Variants in FARS2 observed in about 807,000 individuals in gnomAD.
The protein encoded by FARS2 is phenylalanine--tRNA ligase, mitochondrial.
In FARS2, 40 loss-of-function variants were observed where a neutral mutation model predicts 46.4. The observed-to-expected ratio is 0.86, with a 90% CI of 0.67 to 1.12. The LOEUF is 1.12. Among genes scored for constraint, FARS2 ranks in the 50% most tolerant of loss-of-function variants. FARS2 has a pLI of 0.00. For synonymous variants in FARS2, 234 were observed against 214.9 expected, an observed-to-expected ratio of 1.09 and a Z score of -0.78; for missense variants, 513 against 567.9, an observed-to-expected ratio of 0.90 and a Z score of 0.98.
chr6:5,474,663 G>GTTTTTTTTTTT (rs760857089), intron 4 of FARS2, among the ~76,000 whole-genome samples: 1 of 133,946 alleles, frequency 7.5e-6, no homozygotes. Flanking sequence ...ATACAGTACT[G>GTTTTTTTTTTT]TTTTTTTTTT....
At position 5,499,268 on chromosome 6, in the gene FARS2, G is replaced by A. The variant is rs72817752; in HGVS notation, c.905-45912G>A. Among the ~76,000 whole-genome samples, 1,232 of 152,230 alleles carry A rather than the reference G, an allele frequency of 8.1e-3. 4 individuals are homozygous for A. The highest frequency in any genetic ancestry group is 0.012 in the Non-Finnish European group (845 of 68,008). ...CTGGGAGAGTGGACATTTTTTTCTG[G>A]ATGAAGTCTTTTGGGAGTAGAAAGA... On this transcript the variant is annotated intron_variant, in intron 4 of 6. Coordinates refer to ENST00000274680, the MANE Select transcript of FARS2 (RefSeq NM_006567.5).
rs1030771910 is a variant in FARS2 at position 5,338,562 on chromosome 6, C to T, written c.-21-29988C>T. Among the ~76,000 whole-genome samples the T allele has an allele frequency of 5.3e-5, 8 of 152,102 alleles. No individual in the cohort carries two copies. The East Asian group carries it at 1.5e-3, about 29-fold the overall frequency. ...GCTCTTTCCTCTGCTCTAAAATGCT[C>T]TCCCTTTTCCCCACCCACCCAACCC... On this transcript the variant is annotated intron_variant, in intron 1 of 6. Coordinates refer to ENST00000274680, the MANE Select transcript of FARS2 (RefSeq NM_006567.5).
chr6:5,327,075 T>C (rs779441348), intron 1 of FARS2, among the ~76,000 whole-genome samples: 18 of 152,166 alleles, frequency 1.2e-4, no homozygotes, highest in Non-Finnish European at 4.4e-5. Context: ...TTAGGCGTGA[T>C]TCCTTATGCT....
intron 2 of FARS2, chr6:5,371,207 T>C: frequency 3.0e-6 from 3 of 984,016 alleles, no homozygotes; most frequent in Non-Finnish European, 3.6e-6. Flanking sequence ...TTGTGGTGTT[T>C]TCTGAATTCC....
chr6:5,441,946 A>T (rs534560741), intron 4 of FARS2, among the ~76,000 whole-genome samples: 2 of 152,102 alleles, frequency 1.3e-5, no homozygotes, highest in African/African-American at 4.8e-5. Context: ...CGTTTAAAAT[A>T]GTATCTCTAG....
At position 5,347,689 on chromosome 6, in the gene FARS2, C is replaced by T. The variant is rs571564142; in HGVS notation, c.-21-20861C>T. On this transcript the variant is annotated intron_variant, in intron 1 of 6. Transcript: ENST00000274680. ...TACCTAGGATTAGAATTGAATCATG[C>T]GGTAGGTGTACGTTTAGCTTTGTAA... Among the ~76,000 whole-genome samples, 7 of 152,198 alleles carry T rather than the reference C, an allele frequency of 4.6e-5. No individual in the cohort carries two copies. The East Asian group carries it at 5.8e-4, about 13-fold the overall frequency.
intron 6 of FARS2, among the ~76,000 whole-genome samples, chr6:5,707,089 C>G (rs1758808160): frequency 6.6e-6 from 1 of 152,176 alleles, no homozygotes; most frequent in African/African-American, 2.4e-5. Context: ...TGTGCTTTTC[C>G]TGCATTCTTT....
rs35234176 is a variant in FARS2, at chr6:5,537,757, G to A, written c.905-7423G>A. ...GAGCCAGCTGCTGCTTAGAAGGGTC[G>A]CCCTGTGGGATTAGAATCTTTCAAG... On this transcript the variant is annotated intron_variant, in intron 4 of 6. Coordinates refer to ENST00000274680, the MANE Select transcript of FARS2 (RefSeq NM_006567.5). Among the ~76,000 whole-genome samples, 674 of 152,348 alleles carry A rather than the reference G, an allele frequency of 4.4e-3. 4 individuals carry two copies. The highest frequency in any genetic ancestry group is 0.015 in the African/African-American group (637 of 41,570).
chr6:5,606,957 G>A (rs1006997537), intron 5 of FARS2, among the ~76,000 whole-genome samples: 5 of 152,150 alleles, frequency 3.3e-5, no homozygotes, highest in Non-Finnish European at 5.9e-5. Context: ...CCAGCTTTCT[G>A]CTCCAGAGGG....
At chr6:5,667,479 C>G (rs1778199295) in intron 6 of FARS2, among the ~76,000 whole-genome samples, 1 of 151,414 alleles carries the variant, frequency 6.6e-6, no homozygotes, top group Non-Finnish European at 1.5e-5. Context: ...GATCACGCCA[C>G]TGCACTCCAG....
At chr6:5,448,831 C>T (rs554230687) in intron 4 of FARS2, among the ~76,000 whole-genome samples, 1 of 152,282 alleles carries the variant, frequency 6.6e-6, no homozygotes, top group East Asian at 1.9e-4. Flanking sequence ...TGAGGGTAAG[C>T]AGTGAGCAAA....
At chr6:5,346,910 GGT>G (rs763031216) in intron 1 of FARS2, among the ~76,000 whole-genome samples, 4 of 139,228 alleles carry the variant, frequency 2.9e-5, no homozygotes, top group Non-Finnish European at 4.7e-5. Context: ...CCATTCATTA[GGT>G]TTTTTTTTTT....
At chr6:5,639,276 C>G (rs1460350839) in intron 6 of FARS2, among the ~76,000 whole-genome samples, 1 of 152,206 alleles carries the variant, frequency 6.6e-6, no homozygotes. Flanking sequence ...CTTTCGGTGG[C>G]CAGCATATTC....
chr6:5,736,679 TAAA>T (rs1026445581), intron 6 of FARS2, among the ~76,000 whole-genome samples: 68 of 150,388 alleles, frequency 4.5e-4, no homozygotes, highest in African/African-American at 1.5e-3. Context: ...TTTTTTTTTT[TAAA>T]AAATTGCATG....
intron 6 of FARS2, among the ~76,000 whole-genome samples, chr6:5,770,264 C>T (rs1449576057): frequency 6.6e-6 from 1 of 152,198 alleles, no homozygotes; most frequent in East Asian, 1.9e-4. Flanking sequence ...TCTCACCTGC[C>T]AGAAAGCACG....
rs1203708331 is a variant in FARS2 at position 5,368,537 on chromosome 6, G to A, written c.-21-13G>A. On this transcript the variant is annotated splice_polypyrimidine_tract_variant and intron_variant, in intron 1 of 6. Coordinates refer to ENST00000274680, the MANE Select transcript of FARS2 (RefSeq NM_006567.5). Reference sequence around the variant, plus strand: ...GACACCTGACTTGTGCTTTGCCTGTGTGCTCTTTCCAGAACCTGTGAGAAG... The same window carrying A: ...GACACCTGACTTGTGCTTTGCCTGTATGCTCTTTCCAGAACCTGTGAGAAG... 6.4e-7 allele frequency: 1 copy of A among 1,571,730 alleles called. No individual in the cohort carries two copies. The highest frequency in any genetic ancestry group is 8.6e-7 in the Non-Finnish European group (1 of 1,157,508).
chr6:5,284,158 G>A (rs910451863), intron 1 of FARS2, among the ~76,000 whole-genome samples: 2 of 152,114 alleles, frequency 1.3e-5, no homozygotes, highest in African/African-American at 2.4e-5. Context: ...TGAGCACCTT[G>A]TTACAGCTTT....
At chr6:5,756,738 C>A (rs955370673) in intron 6 of FARS2, among the ~76,000 whole-genome samples, 5 of 152,184 alleles carry the variant, frequency 3.3e-5, no homozygotes, top group African/African-American at 1.2e-4. Context: ...GCAGTAGAAT[C>A]TTTAGTTTAT....
intron 1 of FARS2, among the ~76,000 whole-genome samples, chr6:5,288,259 T>C (rs986296974): frequency 5.9e-5 from 9 of 152,206 alleles, no homozygotes; most frequent in African/African-American, 1.2e-4. Context: ...TTGTAGTCAA[T>C]AGCTTGAAGT....
Sources: gnomAD v4.1 joint callset for allele counts (sites outside exome capture counted in the v4.1 genomes callset) on GRCh38, gnomAD v4.1.1 for gene constraint, MANE v1.5 for transcripts, NCBI Gene and HGNC (gene_info 2026-07-23, HGNC 2026-07-21) for gene names.